The following PSG5 variants were observed in gnomAD, a reference collection of about 807,000 sequenced individuals.
The protein encoded by PSG5 is pregnancy specific beta-1-glycoprotein 5, also known as pregnancy-specific beta-1-glycoprotein 5.
In PSG5, 53 loss-of-function variants were observed where a neutral mutation model predicts 37.7. That is an observed-to-expected ratio of 1.41 (90% confidence interval 1.13 to 1.77). PSG5 has a LOEUF of 1.77. Among genes scored for constraint, PSG5 ranks in the 40% most tolerant of loss-of-function variants. The pLI, the probability that PSG5 is intolerant of heterozygous loss-of-function variation, is 0.00. For synonymous variants in PSG5, 221 were observed against 155.4 expected, an observed-to-expected ratio of 1.42 and a Z score of -3.14; for missense variants, 547 against 405.2, an observed-to-expected ratio of 1.35 and a Z score of -3.00.
rs199865417 is a variant in PSG5, at chr19:43,178,955, A to C, written c.431-2807T>G. On this transcript the variant is annotated intron_variant, in intron 2 of 5. Transcript: ENST00000342951. ...GTATTTCACATTCATAGGGTCCTGCAATATACTTTGTGACACCAAATATAA... is the reference window on the plus strand; with the variant it reads ...GTATTTCACATTCATAGGGTCCTGCCATATACTTTGTGACACCAAATATAA... The C allele has an allele frequency of 1.6e-4, 253 of 1,612,736 alleles. 4 individuals are homozygous for C. Among genetic ancestry groups the C allele is most frequent in the Non-Finnish European group, 2.1e-4 (243 of 1,179,332 alleles).
chr19:43,184,600 AG>A (rs1248686681), intron 2 of PSG5, among the ~76,000 whole-genome samples, 181 bp downstream of exon 2: 1 of 151,448 alleles, frequency 6.6e-6, no homozygotes, highest in Non-Finnish European at 1.5e-5. Context: ...GATGCGGGAA[AG>A]GAATTCTGAT....
At chr19:43,173,997 T>C (rs1968953697) in intron 4 of PSG5, 1 of 151,592 alleles carries the variant, frequency 6.6e-6, no homozygotes, top group Non-Finnish European at 1.5e-5. Context: ...GGTAGGCAAA[T>C]GAGGTGTATC....
Position 43,172,293 on chromosome 19 carries a change from G to A in PSG5, c.965-2155C>T, listed in dbSNP as rs571479027. Among the ~76,000 whole-genome samples the A allele has an allele frequency of 1.5e-4, 22 of 151,564 alleles. No individual in the cohort carries two copies. The East Asian group carries it at 3.7e-3, about 25-fold the overall frequency. On this transcript the variant is annotated intron_variant, in intron 4 of 5. Coordinates refer to ENST00000342951, the MANE Select transcript of PSG5 (RefSeq NM_002781.4). ...ACCCAATGCTAGCATCATACTCAACGGAGAAAGACTGAAAGCTTTCCCTGT... is the reference window on the plus strand; with the variant it reads ...ACCCAATGCTAGCATCATACTCAACAGAGAAAGACTGAAAGCTTTCCCTGT...
chr19:43,177,424 C>T (rs984735442), intron 2 of PSG5, among the ~76,000 whole-genome samples: 2 of 151,396 alleles, frequency 1.3e-5, no homozygotes, highest in Admixed American at 1.3e-4. Context: ...GATTCAAAAT[C>T]TAAAATGCTC....
chr19:43,174,235 T>C (rs1968958552), intron 4 of PSG5: 1 of 172,336 alleles, frequency 5.8e-6, no homozygotes, highest in Non-Finnish European at 1.2e-5. Context: ...TTACTGTTTA[T>C]TGGGTACAGA....
chr19:43,174,912 T>C (rs1968972977), intron 4 of PSG5: 4 of 1,244,764 alleles, frequency 3.2e-6, no homozygotes, highest in Admixed American at 3.0e-5. Flanking sequence ...GAGAAGCAAC[T>C]TGATCTTGAG....
In PSG5 at chr19:43,179,222, C is replaced by A. The variant is rs530152053; in HGVS notation, c.431-3074G>T. Reference sequence around the variant, plus strand: ...CTTTGATTCCTCCAAAGGCACTTTTCAATCAGAGTTGGCATTTCCCACCTG... The same window carrying A: ...CTTTGATTCCTCCAAAGGCACTTTTAAATCAGAGTTGGCATTTCCCACCTG... On this transcript the variant is annotated intron_variant, in intron 2 of 5. Coordinates refer to ENST00000342951, the MANE Select transcript of PSG5 (RefSeq NM_002781.4). 4 of 1,480,612 alleles carry A rather than the reference C, an allele frequency of 2.7e-6. No homozygotes were observed. The Admixed American group carries it at 7.4e-5, about 27-fold the overall frequency. 91.7% of individuals were successfully genotyped at this position (1,480,612 alleles called of 1,614,324 possible).
At position 43,186,392 on chromosome 19, in the gene PSG5, G is replaced by C. The variant is rs776460793; in HGVS notation, c.14C>G (p.Ser5Ter). MGPL[S>*]APPCTQHITW... is the part of the protein sequence containing the mutation. ...GATGTGCTGTGTGCAGGGAGGGGCT[G>C]AGAGGGGCCCCATGGTCTCTGCGCC... The change falls in exon 1 of 6, where the codon TCA becomes TGA. Residue 5 changes from serine to a stop codon, truncating the protein, a stop_gained. Transcript: ENST00000342951. LOFTEE classifies it high-confidence loss of function. 1.2e-6 allele frequency: 2 copies of C among 1,612,336 alleles called. No individual in the cohort carries two copies. The highest frequency in any genetic ancestry group is 2.2e-5 in the East Asian group (1 of 44,856).
In PSG5 at chr19:43,169,418, G is replaced by A. The variant is rs768191594; in HGVS notation, c.*40+637C>T. Among the ~76,000 whole-genome samples the A allele has an allele frequency of 2.9e-4, 44 of 151,526 alleles. 3 individuals carry two copies. The highest frequency in any genetic ancestry group is 5.2e-4 in the Non-Finnish European group (35 of 67,870). ...TAAGTCTGCAGTGCAGATGGTGGAGGGGATTTCACTCTGTTTTTAGACATA... is the reference window on the plus strand; with the variant it reads ...TAAGTCTGCAGTGCAGATGGTGGAGAGGATTTCACTCTGTTTTTAGACATA... On this transcript the variant is annotated intron_variant, in intron 5 of 5. Transcript: ENST00000342951.
chr19:43,171,083 C>A (rs1364903342), intron 4 of PSG5: 1 of 151,580 alleles, frequency 6.6e-6, no homozygotes, highest in Non-Finnish European at 1.5e-5. Context: ...TTAATCCACA[C>A]AATAACCCTG....
At chr19:43,183,483 A>G (rs1175220361) in intron 2 of PSG5, 1 of 528,974 alleles carries the variant, frequency 1.9e-6, no homozygotes, top group South Asian at 1.4e-5. Flanking sequence ...TGAGTGGGGA[A>G]AGAAAACAAA....
intron 4 of PSG5, among the ~76,000 whole-genome samples, chr19:43,171,935 G>A (rs554217294): frequency 6.9e-6 from 1 of 144,014 alleles, no homozygotes; most frequent in South Asian, 2.2e-4. Context: ...TCACACCACT[G>A]TATTCCATCC....
In PSG5 at chr19:43,179,100, T is replaced by C. The variant is rs779966567; in HGVS notation, c.431-2952A>G. ...AGGATCACAGGTTAAGATCACAGCC[T>C]CCATGGCCTCCCTGGGGTTTAAGTT... On this transcript the variant is annotated intron_variant, in intron 2 of 5. Transcript: ENST00000342951. The C allele has an allele frequency of 5.0e-6, 8 of 1,609,384 alleles. No individual in the cohort carries two copies. In the South Asian group the frequency reaches 6.6e-5, roughly 13 times the overall value.
At position 43,175,247 on chromosome 19, in the gene PSG5, T is replaced by C; in HGVS notation, c.932A>G (p.Glu311Gly). Residue 311 changes from glutamate to glycine, a missense_variant, in exon 4 of 6, where the codon GAA (glutamate) becomes GGA (glycine). Coordinates refer to ENST00000342951, the MANE Select transcript of PSG5 (RefSeq NM_002781.4). ...TTCGACTGTCATGGATTTGGAGCTT[T>C]CCTTGCCAGTAGCTGAGTTACGAAC... ...CSVRNSATGK[E>G]SSKSMTVEVS... is the part of the protein sequence containing the mutation. The C allele has an allele frequency of 6.2e-7, 1 of 1,612,770 alleles. No homozygotes were observed.
In PSG5 at chr19:43,167,792, A is replaced by T. The variant is rs1161456852; in HGVS notation, c.*452T>A. 2 of 220,642 alleles carry T rather than the reference A, an allele frequency of 9.1e-6. No homozygotes were observed. The highest frequency in any genetic ancestry group is 1.8e-5 in the Non-Finnish European group (2 of 112,726). 13.7% of individuals were successfully genotyped at this position (220,642 alleles called of 1,614,324 possible). ...ACCATAAACATATGAATACTCATGAATAGTTTCCCAATTCTGGGGCACTCA... is the reference window on the plus strand; with the variant it reads ...ACCATAAACATATGAATACTCATGATTAGTTTCCCAATTCTGGGGCACTCA... On this transcript the variant is annotated 3_prime_UTR_variant, in exon 6 of 6. Coordinates refer to ENST00000342951, the MANE Select transcript of PSG5 (RefSeq NM_002781.4).
At position 43,179,743 on chromosome 19, in the gene PSG5, C is replaced by G. The variant is rs572648071; in HGVS notation, c.431-3595G>C. ...ATCAGGCAGTGGAGCCACAAGGTGG[C>G]GCAGTTTTCCCAGGTGTCTCATAGT... On this transcript the variant is annotated intron_variant, in intron 2 of 5. Coordinates refer to ENST00000342951, the MANE Select transcript of PSG5 (RefSeq NM_002781.4). Among the ~76,000 whole-genome samples, 82 of 151,692 alleles carry G rather than the reference C, an allele frequency of 5.4e-4. 2 individuals are homozygous for G. The highest frequency in any genetic ancestry group is 1.8e-3 in the African/African-American group (75 of 41,236).
At chr19:43,171,983 C>CAAAAAAAAAAAAAAAAAAAAAAAAAAAAA (rs60198220) in intron 4 of PSG5, among the ~76,000 whole-genome samples, 3 of 105,140 alleles carry the variant, frequency 2.9e-5, no homozygotes, top group African/African-American at 1.1e-4. Flanking sequence ...TCCCTCTCTT[C>CAAAAAAAAAAAAAAAAAAAAAAAAAAAAA]AAAAAAAAAA....
At chr19:43,169,938 A>T in intron 5 of PSG5, 117 bp downstream of exon 5, 1 of 616,138 alleles carries the variant, frequency 1.6e-6, no homozygotes, top group Non-Finnish European at 3.0e-6. Context: ...GAGAAGCAGG[A>T]GTTTAGTGGA....
Position 43,176,010 on chromosome 19 carries a change from C to G in PSG5, c.569G>C (p.Ser190Thr), listed in dbSNP as rs561464431. The G allele has an allele frequency of 1.9e-6, 3 of 1,611,202 alleles. No individual in the cohort carries two copies. The highest frequency in any genetic ancestry group is 1.7e-5 in the Admixed American group (1 of 59,862). The change falls in exon 3 of 6, where the codon AGT (serine) becomes ACT (threonine). Residue 190 changes from serine to threonine, a missense_variant. Transcript: ENST00000342951. ...WWLNGQSLPV[S>T]PRVKRPIENR... Reference sequence around the variant, plus strand: ...TTCAATGGGTCGCTTTACCCTGGGACTGACCGGGAGGCTCTGACCATTTAG... The same window carrying G: ...TTCAATGGGTCGCTTTACCCTGGGAGTGACCGGGAGGCTCTGACCATTTAG...
Sources: allele counts gnomAD v4.1 joint callset (sites outside exome capture counted in the v4.1 genomes callset), GRCh38; gene constraint gnomAD v4.1.1; transcripts MANE v1.5; gene names NCBI Gene and HGNC (gene_info 2026-07-23, HGNC 2026-07-21).